Variants in RARB observed in about 807,000 individuals in gnomAD.
The protein encoded by RARB is HBV-activated protein.
In RARB, 17 loss-of-function variants were observed where a neutral mutation model predicts 51.9. The observed-to-expected ratio is 0.33, with a 90% confidence interval of 0.22 to 0.49. The LOEUF (loss-of-function observed/expected upper bound fraction) is 0.49, where lower values mean the gene tolerates loss of function less well. Ranked by LOEUF, RARB falls within the 20% of genes least tolerant of loss-of-function variation. The pLI is 0.99. For missense variants in RARB, 369 were observed against 550.8 expected (o/e 0.67, Z 3.30); for synonymous variants, 215 against 195.4 (o/e 1.10, Z -0.84).
At chr3:25,108,378 T>C (rs982739888) in intron 3 of RARB, among the ~76,000 whole-genome samples, 1 of 152,220 alleles carries the variant, frequency 6.6e-6, no homozygotes, top group African/African-American at 2.4e-5. Flanking sequence ...CAGGTAGTTA[T>C]CTTTCAAAGG....
At chr3:25,490,201 G>C (rs1297898067) in intron 2 of RARB, among the ~76,000 whole-genome samples, 1 of 152,112 alleles carries the variant, frequency 6.6e-6, no homozygotes, top group African/African-American at 2.4e-5. Flanking sequence ...CCATGTATAA[G>C]CGAGAAAAAT....
intron 5 of RARB, among the ~76,000 whole-genome samples, chr3:25,269,416 A>G (rs1164174685): frequency 6.6e-6 from 1 of 152,188 alleles, no homozygotes. Context: ...CTGGAGTCCA[A>G]CTACCTGGGT....
chr3:25,541,714 C>T (rs2125655956), intron 3 of RARB, among the ~76,000 whole-genome samples: 1 of 152,306 alleles, frequency 6.6e-6, no homozygotes, highest in African/African-American at 2.4e-5. Flanking sequence ...CACCTCACTC[C>T]TTATTGTGAC....
In RARB at chr3:25,591,678, T is replaced by A. The variant is rs559153730; in HGVS notation, c.787-1825T>A. Among the ~76,000 whole-genome samples, 14 of 152,296 alleles carry A rather than the reference T, an allele frequency of 9.2e-5. No individual in the cohort carries two copies. The South Asian group carries it at 2.7e-3, about 29-fold the overall frequency. ...TACCTGGTAGGTGATCAATAAAACA[T>A]TAGCTATTACTGTATGTTAGGGATG... On this transcript the variant is annotated intron_variant, in intron 5 of 7. Transcript: ENST00000330688.
chr3:25,224,672 A>T (rs1018619426), intron 5 of RARB, among the ~76,000 whole-genome samples: 1 of 152,154 alleles, frequency 6.6e-6, no homozygotes, highest in Non-Finnish European at 1.5e-5. Flanking sequence ...CAGTGGCATG[A>T]TAATGGCTCA....
At chr3:24,936,107 A>G (rs1695543098) in intron 2 of RARB, among the ~76,000 whole-genome samples, 1 of 152,100 alleles carries the variant, frequency 6.6e-6, no homozygotes, top group Non-Finnish European at 1.5e-5. Flanking sequence ...TATTCTAGAG[A>G]TACTCTTTGA....
chr3:25,184,006 A>C (rs1438072280), intron 5 of RARB, among the ~76,000 whole-genome samples: 3 of 152,134 alleles, frequency 2.0e-5, no homozygotes, highest in African/African-American at 4.8e-5. Context: ...TCACCACATT[A>C]AACTTTACTA....
At position 25,438,131 on chromosome 3, in the gene RARB, G is replaced by C. The variant is rs979829158; in HGVS notation, c.157+9243G>C. Among the ~76,000 whole-genome samples the C allele has an allele frequency of 3.9e-5, 6 of 152,168 alleles. No homozygotes were observed. The East Asian group carries it at 1.2e-3, about 29-fold the overall frequency. ...TGGCTGGTGGTGGATGTTGGTTGTC[G>C]GTGAGAGCTCTAGGGGATCTGCATG... On this transcript the variant is annotated intron_variant, in intron 1 of 7. Coordinates refer to ENST00000330688, the MANE Select transcript of RARB (RefSeq NM_000965.5).
rs573224332 is a variant in RARB at position 25,265,627 on chromosome 3, C to T, written c.178+91052C>T. 4.9e-4 allele frequency among the ~76,000 whole-genome samples: 75 copies of T among 152,264 alleles called. 1 individual carries two copies. Among genetic ancestry groups the T allele is most frequent in the African/African-American group, 1.7e-3 (69 of 41,538 alleles). On this transcript the variant is annotated intron_variant, in intron 5 of 11. Coordinates refer to the RARB transcript ENST00000383772. ...AGCTGAGACTACAGGCATGCACCCC[C>T]ATGCCTGTCTAATTTTTGTATTTTT...
intron 2 of RARB, among the ~76,000 whole-genome samples, chr3:24,960,298 T>C (rs1214584094): frequency 6.7e-5 from 5 of 74,838 alleles, no homozygotes; most frequent in East Asian, 9.0e-4. Context: ...ATTCTATGAA[T>C]ATATGTACTA....
intron 3 of RARB, among the ~76,000 whole-genome samples, chr3:25,532,145 AG>A (rs1698955703): frequency 6.6e-6 from 1 of 152,180 alleles, no homozygotes; most frequent in Non-Finnish European, 1.5e-5. Context: ...AGGGCTGCAA[AG>A]GGCTCTCACT....
At chr3:24,885,487 G>A (rs1447958906) in intron 2 of RARB, among the ~76,000 whole-genome samples, 1 of 152,140 alleles carries the variant, frequency 6.6e-6, no homozygotes, top group Admixed American at 6.5e-5. Flanking sequence ...ATGGAGAGCT[G>A]TAAATATTAA....
At chr3:25,418,610 A>T (rs572243063) in intron 5 of RARB, among the ~76,000 whole-genome samples, 12 of 150,408 alleles carry the variant, frequency 8.0e-5, no homozygotes, top group Admixed American at 6.0e-4. Flanking sequence ...ACAGGTGTGA[A>T]AGAAAAAAAA....
chr3:24,926,205 A>G (rs945247496), intron 2 of RARB, among the ~76,000 whole-genome samples: 4 of 152,146 alleles, frequency 2.6e-5, no homozygotes, highest in Admixed American at 6.6e-5. Context: ...TGTTAGCAGT[A>G]AGACACTTAA....
chr3:25,313,553 C>T (rs1704342865), intron 5 of RARB, among the ~76,000 whole-genome samples: 1 of 152,150 alleles, frequency 6.6e-6, no homozygotes, highest in Non-Finnish European at 1.5e-5. Flanking sequence ...CTTTAATATA[C>T]TGTAGTGCTT....
chr3:25,228,890 A>G (rs1439579208), intron 5 of RARB, among the ~76,000 whole-genome samples: 1 of 152,140 alleles, frequency 6.6e-6, no homozygotes, highest in Non-Finnish European at 1.5e-5. Context: ...CTCCTAGTGA[A>G]GATTCTTCAC....
At chr3:25,192,593 T>C (rs1701129734) in intron 5 of RARB, among the ~76,000 whole-genome samples, 1 of 152,098 alleles carries the variant, frequency 6.6e-6, no homozygotes, top group Non-Finnish European at 1.5e-5. Flanking sequence ...GGCAGAACTG[T>C]TCCCTAGCAG....
chr3:25,354,125 T>C (rs988010474), intron 5 of RARB, among the ~76,000 whole-genome samples: 10 of 150,752 alleles, frequency 6.6e-5, no homozygotes, highest in African/African-American at 2.4e-4. Flanking sequence ...ACTAACATAG[T>C]TTCCTTTCCC....
At chr3:25,471,869 G>T (rs1053607932) in intron 2 of RARB, among the ~76,000 whole-genome samples, 2 of 152,014 alleles carry the variant, frequency 1.3e-5, no homozygotes, top group African/African-American at 4.8e-5. Context: ...CTCCTGGGTG[G>T]ATGCCTGTAA....
Sources: allele counts gnomAD v4.1 joint callset (sites outside exome capture counted in the v4.1 genomes callset), GRCh38; gene constraint gnomAD v4.1.1; transcripts MANE v1.5; gene names NCBI Gene and HGNC (gene_info 2026-07-23, HGNC 2026-07-21).